The following DNER variants were observed in gnomAD, a reference collection of about 807,000 sequenced individuals.
DNER encodes the protein delta and Notch-like epidermal growth factor-related receptor.
In DNER, 33 loss-of-function variants were observed where a neutral mutation model predicts 78.2. The observed-to-expected ratio is 0.42, with a 90% CI of 0.32 to 0.56. The LOEUF (loss-of-function observed/expected upper bound fraction) is 0.56. DNER is among the 20% of genes least tolerant of loss of function. The pLI, the probability that DNER is intolerant of heterozygous loss-of-function variation, is 0.11. For missense variants in DNER, 918 were observed against 975.3 expected (o/e 0.94, Z 0.78); for synonymous variants, 417 against 384.8 (o/e 1.08, Z -0.98).
intron 1 of DNER, among the ~76,000 whole-genome samples, chr2:229,660,190 G>A (rs1010167755): frequency 3.3e-5 from 5 of 152,040 alleles, no homozygotes; most frequent in African/African-American, 4.8e-5. Context: ...CTTGGGTCAC[G>A]GTGTTTTTTT....
At chr2:229,429,859 A>G (rs1393696445) in intron 8 of DNER, among the ~76,000 whole-genome samples, 1 of 152,134 alleles carries the variant, frequency 6.6e-6, no homozygotes, top group Non-Finnish European at 1.5e-5. Context: ...CCATCCCCTG[A>G]GATTAACCTC....
Position 229,703,259 on chromosome 2 carries a change from T to C in DNER, c.276+10889A>G, listed in dbSNP as rs568503756. Reference sequence around the variant, plus strand: ...GACCCACACATGCTTGGTCAAATGATTTTAAACAAAGGTACCAAAATAATT... The same window carrying C: ...GACCCACACATGCTTGGTCAAATGACTTTAAACAAAGGTACCAAAATAATT... On this transcript the variant is annotated intron_variant, in intron 1 of 12. Transcript: ENST00000341772. Among the ~76,000 whole-genome samples, 7 of 152,296 alleles carry C rather than the reference T, an allele frequency of 4.6e-5. No individual in the cohort carries two copies. The East Asian group carries it at 9.6e-4, about 21-fold the overall frequency.
At chr2:229,373,174 G>C (rs1692525396) in intron 11 of DNER, among the ~76,000 whole-genome samples, 1 of 152,144 alleles carries the variant, frequency 6.6e-6, no homozygotes, top group African/African-American at 2.4e-5. Context: ...CAGAAGAGGA[G>C]AAAATATTCG....
chr2:229,644,332 CT>C (rs962803079), intron 1 of DNER, among the ~76,000 whole-genome samples: 1 of 119,908 alleles, frequency 8.3e-6, no homozygotes, highest in African/African-American at 3.5e-5. Flanking sequence ...GTCTTGCTTT[CT>C]CTTTTTTTTT....
intron 1 of DNER, among the ~76,000 whole-genome samples, chr2:229,636,125 G>A (rs1187405498): frequency 6.6e-6 from 1 of 152,144 alleles, no homozygotes; most frequent in Non-Finnish European, 1.5e-5. Context: ...CCAAGGCATT[G>A]TTTGCTGGTG....
At chr2:229,455,704 A>T (rs1694557788) in intron 7 of DNER, among the ~76,000 whole-genome samples, 1 of 152,084 alleles carries the variant, frequency 6.6e-6, no homozygotes, top group Non-Finnish European at 1.5e-5. Flanking sequence ...CCCTGAGAAC[A>T]TCTCTGTACA....
At chr2:229,709,533 A>G (rs1027105358) in intron 1 of DNER, among the ~76,000 whole-genome samples, 2 of 152,212 alleles carry the variant, frequency 1.3e-5, no homozygotes, top group African/African-American at 4.8e-5. Context: ...CTGATGTAGT[A>G]CAAAGAACTA....
At chr2:229,378,629 T>C (rs1057352940) in intron 11 of DNER, among the ~76,000 whole-genome samples, 1 of 152,212 alleles carries the variant, frequency 6.6e-6, no homozygotes, top group Non-Finnish European at 1.5e-5. Flanking sequence ...GTTCTCTGTG[T>C]ACATCTGAGC....
In DNER at chr2:229,644,593, C is replaced by T. The variant is rs578031917; in HGVS notation, c.277-52705G>A. On this transcript the variant is annotated intron_variant, in intron 1 of 12. Transcript: ENST00000341772. The stretch of plus-strand genomic sequence containing the variant: ...ACCTCCTGACCTCAGGTGATCTGCC[C>T]GCCTCAGCCTCCCAAAGTGCTGGGA... Among the ~76,000 whole-genome samples, 15 of 152,108 alleles carry T rather than the reference C, an allele frequency of 9.9e-5. No individual in the cohort carries two copies. In the South Asian group the frequency reaches 1.5e-3, roughly 15 times the overall value.
chr2:229,550,707 G>A (rs894134534), intron 4 of DNER, among the ~76,000 whole-genome samples: 8 of 152,098 alleles, frequency 5.3e-5, no homozygotes, highest in African/African-American at 9.7e-5. Context: ...ACCGGGAGGC[G>A]GAGGTTGCAG....
intron 1 of DNER, among the ~76,000 whole-genome samples, chr2:229,697,130 G>T (rs929767210): frequency 2.6e-5 from 4 of 152,132 alleles, no homozygotes; most frequent in African/African-American, 9.7e-5. Flanking sequence ...TAAACAAAAT[G>T]TGATATATAT....
intron 1 of DNER, among the ~76,000 whole-genome samples, chr2:229,700,087 T>C (rs1430824451): frequency 6.6e-6 from 1 of 151,954 alleles, no homozygotes; most frequent in African/African-American, 2.4e-5. Flanking sequence ...AAAAAAATCT[T>C]CCCTCATTCA....
intron 4 of DNER, among the ~76,000 whole-genome samples, chr2:229,565,708 G>C (rs1697092979): frequency 6.6e-6 from 1 of 152,136 alleles, no homozygotes; most frequent in African/African-American, 2.4e-5. Flanking sequence ...CTTATTGCCT[G>C]TAAGAACCAC....
chr2:229,386,101 T>A (rs1266385542), intron 11 of DNER, among the ~76,000 whole-genome samples: 1 of 152,132 alleles, frequency 6.6e-6, no homozygotes, highest in East Asian at 1.9e-4. Flanking sequence ...CAAAACAGCA[T>A]GGTACTGGCA....
intron 1 of DNER, among the ~76,000 whole-genome samples, chr2:229,622,120 G>A (rs1409131010): frequency 2.6e-5 from 4 of 152,070 alleles, no homozygotes; most frequent in Admixed American, 2.6e-4. Flanking sequence ...AAAAGAAATT[G>A]CATATAAATA....
intron 11 of DNER, among the ~76,000 whole-genome samples, chr2:229,385,323 C>T (rs956057826): frequency 6.6e-6 from 1 of 151,950 alleles, no homozygotes; most frequent in Non-Finnish European, 1.5e-5. Context: ...CAGAACGTAT[C>T]TCAAAATAAG....
Position 229,660,603 on chromosome 2 carries a change from T to C in DNER, c.276+53545A>G, listed in dbSNP as rs1260089908. Reference sequence around the variant, plus strand: ...TGGAGAAATGGTCCCATTATAGATGTGGTTGGGCAGAAAGGGAAGTTAACA... The same window carrying C: ...TGGAGAAATGGTCCCATTATAGATGCGGTTGGGCAGAAAGGGAAGTTAACA... On this transcript the variant is annotated intron_variant, in intron 1 of 12. Coordinates refer to ENST00000341772, the MANE Select transcript of DNER (RefSeq NM_139072.4). 3.3e-5 allele frequency among the ~76,000 whole-genome samples: 5 copies of C among 152,182 alleles called. No homozygotes were observed. In the East Asian group the frequency reaches 9.6e-4, roughly 29 times the overall value.
intron 1 of DNER, among the ~76,000 whole-genome samples, chr2:229,628,625 CTG>C (rs923883978): frequency 1.5e-4 from 23 of 152,268 alleles, no homozygotes; most frequent in African/African-American, 5.5e-4. Context: ...TCAAGGAGCT[CTG>C]TGGTGGAATG....
chr2:229,446,359 T>TA (rs11435378), intron 8 of DNER, among the ~76,000 whole-genome samples: 6 of 152,258 alleles, frequency 3.9e-5, no homozygotes, highest in African/African-American at 1.4e-4. Flanking sequence ...ACAAAAGTGA[T>TA]ATTGTAGGTG....
Sources: allele counts gnomAD v4.1 joint callset (sites outside exome capture counted in the v4.1 genomes callset), GRCh38; gene constraint gnomAD v4.1.1; transcripts MANE v1.5; gene names NCBI Gene and HGNC (gene_info 2026-07-23, HGNC 2026-07-21).